EPCIP: variants seen among roughly 807,000 people sequenced by gnomAD.
The protein encoded by EPCIP is exosomal polycystin-1-interacting protein.
the EPCIP span, among the ~76,000 whole-genome samples, chr21:32,813,105 G>A: frequency 6.6e-6 from 1 of 151,976 alleles, no homozygotes. Context: ...AGTATCAGCC[G>A]GTGTTTTGGG....
At chr21:32,791,194 T>C in the EPCIP span, 1 of 152,224 alleles carries the variant, frequency 6.6e-6, no homozygotes, top group Non-Finnish European at 1.5e-5. Flanking sequence ...ACCATATTTT[T>C]AGTCCAGAAA....
the EPCIP span, chr21:32,797,590 A>G: frequency 6.5e-6 from 1 of 153,128 alleles, no homozygotes; most frequent in Non-Finnish European, 1.5e-5. Flanking sequence ...TCACTGGGGT[A>G]AAGACCTTAA....
chr21:32,807,334 CTTTTTTT>C, the EPCIP span, among the ~76,000 whole-genome samples: 3 of 130,002 alleles, frequency 2.3e-5, no homozygotes, highest in Non-Finnish European at 4.7e-5. Context: ...CCTCTTATGC[CTTTTTTT>C]TTTTTTTTGA....
At chr21:32,812,704 T>A in the EPCIP span, among the ~76,000 whole-genome samples, 1 of 152,164 alleles carries the variant, frequency 6.6e-6, no homozygotes, top group East Asian at 1.9e-4. Context: ...TTTTTTGGTA[T>A]TTTTTAAGGG....
At chr21:32,803,728 T>TTACTGTGA in the EPCIP span, among the ~76,000 whole-genome samples, 53 of 152,224 alleles carry the variant, frequency 3.5e-4, no homozygotes, top group African/African-American at 5.8e-4. Flanking sequence ...CAATGTTTTC[T>TTACTGTGA]TACTGTGATA....
chr21:32,790,860 C>T, the EPCIP span: 1 of 152,156 alleles, frequency 6.6e-6, no homozygotes, highest in Admixed American at 6.5e-5. Flanking sequence ...TTGTTTGACC[C>T]ACATGATATT....
the EPCIP span, chr21:32,793,996 G>A: frequency 6.2e-7 from 1 of 1,614,096 alleles, no homozygotes; most frequent in African/African-American, 1.3e-5. Flanking sequence ...CACCGCTATG[G>A]ATGAGTAAGC....
chr21:32,813,040 G>A, the EPCIP span, among the ~76,000 whole-genome samples: 10 of 152,144 alleles, frequency 6.6e-5, no homozygotes, highest in East Asian at 5.8e-4. Context: ...AAAGCCTGGT[G>A]TGTAAATAGG....
At chr21:32,793,655 G>A in the EPCIP span, 15 of 977,448 alleles carry the variant, frequency 1.5e-5, no homozygotes, top group Non-Finnish European at 2.2e-5. Flanking sequence ...GCGGAGAGAG[G>A]CACAGTTGTG....
At chr21:32,810,549 C>A in the EPCIP span, 2 of 468,362 alleles carry the variant, frequency 4.3e-6, no homozygotes, top group Admixed American at 4.7e-5. Flanking sequence ...GCGTGAACCA[C>A]CATGCCCGGC....
chr21:32,793,989 C>T, the EPCIP span: 59 of 1,614,094 alleles, frequency 3.7e-5, no homozygotes, highest in East Asian at 6.7e-5. Flanking sequence ...CTGTCCCCAC[C>T]GCTATGGATG....
chr21:32,800,605 C>A, the EPCIP span, among the ~76,000 whole-genome samples: 1 of 152,158 alleles, frequency 6.6e-6, no homozygotes, highest in Non-Finnish European at 1.5e-5. Context: ...ATCACGAGGT[C>A]AGGAGTTCGA....
chr21:32,797,330 G>T, the EPCIP span: 1 of 205,168 alleles, frequency 4.9e-6, no homozygotes, highest in Non-Finnish European at 1.0e-5. Context: ...CTCACTGCAA[G>T]CTCTGCCTCC....
At chr21:32,810,342 G>A in the EPCIP span, among the ~76,000 whole-genome samples, 1 of 124,470 alleles carries the variant, frequency 8.0e-6, no homozygotes, top group East Asian at 2.5e-4. Context: ...TGCAACCTCC[G>A]CCTCCCGGGT....
chr21:32,796,880 G>C, the EPCIP span: 1 of 434,492 alleles, frequency 2.3e-6, no homozygotes, highest in Non-Finnish European at 4.7e-6. Context: ...AAAAAAGAGG[G>C]GAGAGGTCTA....
the EPCIP span, among the ~76,000 whole-genome samples, chr21:32,800,570 C>T: frequency 7.0e-4 from 107 of 152,336 alleles, 1 homozygote; most frequent in Admixed American, 5.9e-3. Context: ...GTAATCCCAG[C>T]ACTCTGGGAG....
At chr21:32,801,955 G>A in the EPCIP span, among the ~76,000 whole-genome samples, 650 of 152,276 alleles carry the variant, frequency 4.3e-3, 9 homozygotes, top group African/African-American at 0.015. Context: ...TAGGAAGGGC[G>A]AGGCAGTGCA....
At chr21:32,794,388 T>C in the EPCIP span, 1 of 1,614,196 alleles carries the variant, frequency 6.2e-7, no homozygotes, top group Non-Finnish European at 8.5e-7. Context: ...AGAGTGCTGA[T>C]CAGAAGAAGA....
the EPCIP span, chr21:32,793,450 G>T: frequency 2.1e-6 from 1 of 479,750 alleles, no homozygotes; most frequent in Non-Finnish European, 3.7e-6. Context: ...CTCCATTTCT[G>T]ACGGGACATT....
Sources: gnomAD v4.1 joint callset for allele counts (sites outside exome capture counted in the v4.1 genomes callset) on GRCh38, gnomAD v4.1.1 for gene constraint, MANE v1.5 for transcripts, NCBI Gene and HGNC (gene_info 2026-07-23, HGNC 2026-07-21) for gene names.